The following TENM4 variants were observed in gnomAD, a reference collection of about 807,000 sequenced individuals.
TENM4 encodes teneurin-4.
A neutral mutation model predicts 243.3 loss-of-function variants in TENM4; 82 were observed. That is an observed-to-expected ratio of 0.34 (90% CI 0.28 to 0.40). The LOEUF (loss-of-function observed/expected upper bound fraction) is 0.40, where lower values mean the gene tolerates loss of function less well. Ranked by LOEUF, TENM4 falls within the 10% of genes least tolerant of loss-of-function variation. The probability of loss-of-function intolerance (pLI) is 1.00; values close to 1 mark genes in which losing one functional copy is unlikely to be tolerated. For synonymous variants in TENM4, 1,412 were observed against 1,456.3 expected (o/e 0.97, Z 0.69); for missense variants, 3,138 against 3,673.3 (o/e 0.85, Z 3.77).
intron 6 of TENM4, among the ~76,000 whole-genome samples, chr11:78,969,191 G>A (rs371833218): frequency 1.3e-5 from 2 of 152,272 alleles, no homozygotes; most frequent in Middle Eastern, 3.4e-3. Flanking sequence ...GTGGTTTTGG[G>A]AAAGAAGCAA....
At chr11:78,776,148 A>G (rs533525877) in intron 17 of TENM4, among the ~76,000 whole-genome samples, 27 of 152,252 alleles carry the variant, frequency 1.8e-4, no homozygotes, top group African/African-American at 6.3e-4. Context: ...CTTGTTCTCA[A>G]TGGTCCCCCC....
At chr11:79,398,522 CTTCACTGAG>C (rs1209409449) in intron 1 of TENM4, among the ~76,000 whole-genome samples, 1 of 152,040 alleles carries the variant, frequency 6.6e-6, no homozygotes, top group Non-Finnish European at 1.5e-5. Context: ...GGTAGCTCCT[CTTCACTGAG>C]TGCGGACAGG....
At chr11:79,164,177 C>T (rs1453655698) in intron 3 of TENM4, among the ~76,000 whole-genome samples, 1 of 119,428 alleles carries the variant, frequency 8.4e-6, no homozygotes, top group Non-Finnish European at 1.6e-5. Flanking sequence ...ATATGGCATA[C>T]TATAGTGTAT....
intron 1 of TENM4, among the ~76,000 whole-genome samples, chr11:79,358,188 A>T (rs1046422777): frequency 2.0e-5 from 3 of 152,212 alleles, no homozygotes; most frequent in Non-Finnish European, 4.4e-5. Flanking sequence ...CCTTAGAATT[A>T]TTAGCTCTTC....
intron 3 of TENM4, among the ~76,000 whole-genome samples, chr11:79,172,921 G>A (rs756157967): frequency 1.4e-4 from 22 of 152,192 alleles, no homozygotes; most frequent in South Asian, 1.0e-3. Flanking sequence ...GATTACAGGC[G>A]TGAGCCACCG....
chr11:79,277,564 C>T lies in TENM4; in HGVS notation c.-265+19924G>A, dbSNP rs576807872. 3.3e-5 allele frequency among the ~76,000 whole-genome samples: 5 copies of T among 152,272 alleles called. 1 individual carries two copies. The East Asian group carries it at 7.7e-4, about 24-fold the overall frequency. The stretch of plus-strand genomic sequence containing the variant: ...ATGTCATCAGGCCTGTTTGTTTCAA[C>T]ACTGGCAGAAAATCTTTTGAAAATG... On this transcript the variant is annotated intron_variant, in intron 2 of 33. Transcript: ENST00000278550.
chr11:78,857,290 GA>G (rs774309642), intron 10 of TENM4, among the ~76,000 whole-genome samples: 11 of 152,174 alleles, frequency 7.2e-5, no homozygotes, highest in Non-Finnish European at 1.5e-4. Context: ...GATGTTCGAA[GA>G]GACACTTCAG....
intron 30 of TENM4, among the ~76,000 whole-genome samples, chr11:78,675,881 A>C (rs749988265): frequency 8.5e-5 from 13 of 152,194 alleles, no homozygotes; most frequent in Non-Finnish European, 1.6e-4. Context: ...TTGAGGCTCT[A>C]AGATTACTGA....
chr11:78,787,002 G>A lies in TENM4; in HGVS notation c.2261C>T (p.Ala754Val). ...CRCEDGWMGA[A>V]CDQRACHPRC... ...CGGGTGGCAGGCCCGCTGGTCGCAG[G>A]CTGCCCCCATCCAGCCATCCTCGCA... Residue 754 changes from alanine (A) to valine (V), a missense_variant, in exon 16 of 34, where the codon GCC (alanine) becomes GTC (valine). By Grantham distance (64) the Ala-to-Val change is moderately conservative. This residue lies in a region of TENM4 where 2,467 missense variants were observed against 3,059.1 expected (regional missense o/e 0.81). Coordinates refer to ENST00000278550, the MANE Select transcript of TENM4 (RefSeq NM_001098816.3). 1.3e-6 allele frequency: 2 copies of A among 1,572,542 alleles called. No homozygotes were observed. Among genetic ancestry groups the A allele is most frequent in the Non-Finnish European group, 1.7e-6 (2 of 1,159,054 alleles).
At chr11:78,792,405 CA>C (rs1857075538) in intron 15 of TENM4, among the ~76,000 whole-genome samples, 1 of 152,142 alleles carries the variant, frequency 6.6e-6, no homozygotes, top group South Asian at 2.1e-4. Flanking sequence ...TCCAACTGTC[CA>C]AAAATTCCTA....
At chr11:78,684,232 C>T (rs78813461) in intron 29 of TENM4, among the ~76,000 whole-genome samples, 1,568 of 152,322 alleles carry the variant, frequency 0.01, 23 homozygotes, top group African/African-American at 0.035. Context: ...CAGGCTACTT[C>T]AGCTCAGGTT....
chr11:79,127,124 G>T (rs1477021148), intron 4 of TENM4, among the ~76,000 whole-genome samples: 3 of 152,194 alleles, frequency 2.0e-5, no homozygotes, highest in Non-Finnish European at 2.9e-5. Flanking sequence ...AAACTTAGTA[G>T]CTAGCAGAAC....
At chr11:79,345,161 T>C (rs941634922) in intron 1 of TENM4, among the ~76,000 whole-genome samples, 10 of 152,220 alleles carry the variant, frequency 6.6e-5, no homozygotes, top group Non-Finnish European at 1.3e-4. Flanking sequence ...CCACCCCCTT[T>C]GGTGTTGTCT....
intron 1 of TENM4, among the ~76,000 whole-genome samples, chr11:79,318,207 C>T (rs1453721195): frequency 2.0e-5 from 3 of 151,860 alleles, no homozygotes; most frequent in Non-Finnish European, 4.4e-5. Flanking sequence ...CCAGGGCCTA[C>T]CGTGTTCCCC....
At chr11:79,213,148 G>C (rs557087143) in intron 3 of TENM4, among the ~76,000 whole-genome samples, 1 of 152,298 alleles carries the variant, frequency 6.6e-6, no homozygotes, top group African/African-American at 2.4e-5. Flanking sequence ...AGCTAGTGGT[G>C]GGAGGAGAAA....
intron 6 of TENM4, among the ~76,000 whole-genome samples, chr11:79,023,549 A>C (rs1414292521): frequency 6.9e-6 from 1 of 145,372 alleles, no homozygotes; most frequent in Non-Finnish European, 1.5e-5. Flanking sequence ...GTGACAGAGA[A>C]AGGCTCTGTC....
chr11:79,181,684 A>G (rs1863283876), intron 3 of TENM4, among the ~76,000 whole-genome samples: 1 of 151,940 alleles, frequency 6.6e-6, no homozygotes, highest in South Asian at 2.1e-4. Flanking sequence ...TGCCTATGTA[A>G]AAGTCCTGAA....
At chr11:79,432,338 G>C (rs1268061488) in intron 1 of TENM4, among the ~76,000 whole-genome samples, 1 of 152,154 alleles carries the variant, frequency 6.6e-6, no homozygotes, top group Admixed American at 6.5e-5. Flanking sequence ...GCTAATTAAT[G>C]TTTGCAAAGA....
intron 6 of TENM4, among the ~76,000 whole-genome samples, chr11:79,002,606 A>T (rs1033402753): frequency 6.6e-6 from 1 of 152,176 alleles, no homozygotes; most frequent in Non-Finnish European, 1.5e-5. Context: ...TACCAAAATC[A>T]AACCCCCAAG....
Sources: gnomAD v4.1 joint callset for allele counts (sites outside exome capture counted in the v4.1 genomes callset) on GRCh38, gnomAD v4.1.1 for gene constraint, gnomAD v4.1.1 regional missense constraint, MANE v1.5 for transcripts, NCBI Gene and HGNC (gene_info 2026-07-23, HGNC 2026-07-21) for gene names.